The following ARHGAP33 variants were observed in gnomAD, a reference collection of about 807,000 sequenced individuals.
ARHGAP33 encodes rho GTPase-activating protein 33.
Under a neutral mutation model 126.2 loss-of-function variants are expected in ARHGAP33, and 57 were observed. The ratio of observed to expected loss-of-function variants is 0.45; its 90% CI spans 0.36 to 0.56. The LOEUF (loss-of-function observed/expected upper bound fraction) is 0.56. Among genes scored for constraint, ARHGAP33 ranks in the 20% least tolerant of loss-of-function variants. The pLI, the probability that ARHGAP33 is intolerant of heterozygous loss-of-function variation, is 0.00. For missense variants in ARHGAP33, 1,500 were observed against 1,748.3 expected (o/e 0.86, Z 2.53); for synonymous variants, 711 against 755.0 (o/e 0.94, Z 0.95).
chr19:35,787,224 G>C lies in ARHGAP33; in HGVS notation c.2659G>C (p.Gly887Arg). ...TCCCCTGTCTCTCCTGCGCCCTGGG[G>C]GTGCCCCACCCCCGCCCCCTAAGAA... ...PPPLSLLRPG[G>R]APPPPPKNPA... Residue 887 changes from glycine (G) to arginine (R), a missense_variant, in exon 21 of 21, where the codon GGT (glycine) becomes CGT (arginine). Transcript: ENST00000007510. The C allele has an allele frequency of 6.2e-7, 1 of 1,610,920 alleles. No homozygotes were observed. Among genetic ancestry groups the C allele is most frequent in the Admixed American group, 1.7e-5 (1 of 59,542 alleles).
At position 35,782,143 on chromosome 19, in the gene ARHGAP33, C is replaced by T. The variant is rs1310324492; in HGVS notation, c.1086-230C>T. On this transcript the variant is annotated intron_variant, in intron 12 of 20. Transcript: ENST00000007510. This position sits in a 1 kb window ranked among gnomAD's most constrained non-coding sequence, Gnocchi z 4.1. ...CTTGGGTAGCTGCAGGCAGAGGCAC[C>T]TCTGTCTGAGCCTCAGCATCCTCCT... Among the ~76,000 whole-genome samples the T allele has an allele frequency of 6.6e-6, 1 of 152,188 alleles. No individual in the cohort carries two copies. Among genetic ancestry groups the T allele is most frequent in the Non-Finnish European group, 1.5e-5 (1 of 68,012 alleles).
rs370215328 is a variant in ARHGAP33 at position 35,780,834 on chromosome 19, T to C, written c.829+18T>C. 2 of 1,613,616 alleles carry C rather than the reference T, an allele frequency of 1.2e-6. No individual in the cohort carries two copies. Among genetic ancestry groups the C allele is most frequent in the Non-Finnish European group, 1.7e-6 (2 of 1,179,968 alleles). ...GACCTCAGGTAATAGAAATAGGCGG[T>C]CAGGTCCCAGCCCCTACCCCACCAG... On this transcript the variant is annotated intron_variant, in intron 10 of 20. Transcript: ENST00000007510.
rs1200165951 is a variant in ARHGAP33, at chr19:35,782,624, G to A, written c.1258G>A (p.Glu420Lys). 13 of 1,613,668 alleles carry A rather than the reference G, an allele frequency of 8.1e-6. No individual in the cohort carries two copies. The highest frequency in any genetic ancestry group is 1.1e-5 in the South Asian group (1 of 91,028). Residue 420 changes from glutamate (E) to lysine (K), a missense_variant, in exon 14 of 21, where the codon GAG (glutamate) becomes AAG (lysine). Physicochemically the swap from Glu to Lys is moderately conservative, Grantham distance 56 (BLOSUM62 1). Coordinates refer to ENST00000007510, the MANE Select transcript of ARHGAP33 (RefSeq NM_001366178.1). The surrounding 1 kb of genome is among the most constrained non-coding windows in gnomAD (Gnocchi z 4.1). ...SEAMSVPGEE[E>K]RLVRVHDVIQ... ...GGCCATGTCAGTGCCTGGGGAGGAG[G>A]AGCGTCTGGTGCGGGTGCACGATGT...
Position 35,786,855 on chromosome 19 carries a change from C to G in ARHGAP33, c.2385C>G (p.Ile795Met). ...CCGCCTCGCCTGCTGCCCTAGACAT[C>G]TCAGAGCCCCTGGCTGTATCAGTGC... ...TSPASPAALD[I>M]SEPLAVSVPP... Residue 795 changes from isoleucine to methionine, a missense_variant, in exon 20 of 21, where the codon ATC (isoleucine) becomes ATG (methionine). Physicochemically the swap from Ile to Met is conservative, Grantham distance 10 (BLOSUM62 1). Coordinates refer to ENST00000007510, the MANE Select transcript of ARHGAP33 (RefSeq NM_001366178.1). The surrounding 1 kb of genome is among the most constrained non-coding windows in gnomAD (Gnocchi z 7.0). 1 of 1,596,016 alleles carries G rather than the reference C, an allele frequency of 6.3e-7. No homozygotes were observed. The highest frequency in any genetic ancestry group is 8.5e-7 in the Non-Finnish European group (1 of 1,174,058).
intron 15 of ARHGAP33, among the ~76,000 whole-genome samples, chr19:35,783,582 G>A (rs1257189035): frequency 6.6e-6 from 1 of 152,202 alleles, no homozygotes; most frequent in African/African-American, 2.4e-5. Context: ...TGTGTTGGAG[G>A]AGCTGCAGGG....
Position 35,782,337 on chromosome 19 carries a change from C to G in ARHGAP33, c.1086-36C>G, listed in dbSNP as rs367898492. ...TGGCCACGTGAGCGAGCCCCTCTGA[C>G]CTGGATCTTCCTCCTCCTTGACACG... On this transcript the variant is annotated intron_variant, in intron 12 of 20. Coordinates refer to ENST00000007510, the MANE Select transcript of ARHGAP33 (RefSeq NM_001366178.1). The surrounding 1 kb of genome is among the most constrained non-coding windows in gnomAD (Gnocchi z 4.1). 20 of 1,585,892 alleles carry G rather than the reference C, an allele frequency of 1.3e-5. No homozygotes were observed. Among genetic ancestry groups the G allele is most frequent in the Non-Finnish European group, 1.6e-5 (19 of 1,159,766 alleles).
intron 16 of ARHGAP33, chr19:35,784,520 T>A (rs1971988142): frequency 7.6e-7 from 1 of 1,311,616 alleles, no homozygotes; most frequent in Admixed American, 4.0e-5. Flanking sequence ...TTCCCACCTC[T>A]TGGCCCGGAC....
Position 35,781,315 on chromosome 19 carries a change from C to G in ARHGAP33, c.1085+63C>G, listed in dbSNP as rs1444174363. ...CTCACCCAGCACCTCCACTCCAGCC[C>G]CGTGCTGCATGCTGGGGACACAGTT... On this transcript the variant is annotated intron_variant, in intron 12 of 20. Transcript: ENST00000007510. 7.3e-6 allele frequency: 11 copies of G among 1,517,092 alleles called. No homozygotes were observed. In the Admixed American group the frequency reaches 1.8e-4, roughly 25 times the overall value. The allele number at this position is 1,517,092 out of a possible 1,614,324, so 94.0% of individuals were successfully genotyped here.
At position 35,784,959 on chromosome 19, in the gene ARHGAP33, G is replaced by C. The variant is rs1187061456; in HGVS notation, c.1574G>C (p.Cys525Ser). Residue 525 changes from cysteine to serine, a missense_variant, in exon 17 of 21, where the codon TGC becomes TCC. Cys to Ser is a moderately radical substitution (Grantham distance 112, BLOSUM62 -1). Transcript: ENST00000007510. ...TSAGLDPAGR[C>S]LLPRPKSLAG... ...CCCTTTCCACACTCCCCAGGCCGCT[G>C]CCTGCTCCCCAGGCCCAAGTCCCTT... The C allele has an allele frequency of 2.6e-6, 4 of 1,540,776 alleles. No individual in the cohort carries two copies. In the East Asian group the frequency reaches 9.8e-5, roughly 38 times the overall value.
At position 35,782,535 on chromosome 19, in the gene ARHGAP33, C is replaced by A. The variant is rs369796658; in HGVS notation, c.1230+18C>A. The A allele has an allele frequency of 8.7e-6, 14 of 1,612,906 alleles. No homozygotes were observed. Among genetic ancestry groups the A allele is most frequent in the Non-Finnish European group, 1.2e-5 (14 of 1,179,328 alleles). On this transcript the variant is annotated intron_variant, in intron 13 of 20. Coordinates refer to ENST00000007510, the MANE Select transcript of ARHGAP33 (RefSeq NM_001366178.1). The surrounding 1 kb of genome is among the most constrained non-coding windows in gnomAD (Gnocchi z 4.1). ...AGTTCAGTGTGAGTAAGGGAGCTGG[C>A]GGGACGGAGGGGGCCGGGACGCCTC... is the stretch of plus-strand genomic sequence containing the variant.
intron 15 of ARHGAP33, among the ~76,000 whole-genome samples, chr19:35,783,598 G>A (rs145725356): frequency 0.016 from 2,406 of 152,234 alleles, 37 homozygotes; most frequent in South Asian, 0.037. Context: ...CAGGGAGGCC[G>A]GTGTGGCTGG....
In ARHGAP33 at chr19:35,786,068, C is replaced by G. The variant is rs1972096872; in HGVS notation, c.1943-345C>G. ...GCGGGGGGCTGCTTATCCACCCCAC[C>G]CAGCCGTGCCTCTGGGGGCTCTTCT... On this transcript the variant is annotated intron_variant, in intron 19 of 20. Transcript: ENST00000007510. The surrounding 1 kb of genome is among the most constrained non-coding windows in gnomAD (Gnocchi z 7.0). 8.4e-7 allele frequency: 1 copy of G among 1,186,360 alleles called. No individual in the cohort carries two copies. The highest frequency in any genetic ancestry group is 3.0e-5 in the South Asian group (1 of 33,736). 73.5% of individuals were successfully genotyped at this position (1,186,360 alleles called of 1,614,324 possible).
At position 35,786,339 on chromosome 19, in the gene ARHGAP33, T is replaced by C; in HGVS notation, c.1943-74T>C. On this transcript the variant is annotated intron_variant, in intron 19 of 20. Coordinates refer to ENST00000007510, the MANE Select transcript of ARHGAP33 (RefSeq NM_001366178.1). This position sits in a 1 kb window ranked among gnomAD's most constrained non-coding sequence, Gnocchi z 7.0. ...GCCCTCTCCAGGAGGCGCCTCTTCA[T>C]GTCCTTTCCCCAGCTTTCTGTGGGG... The C allele has an allele frequency of 6.8e-7, 1 of 1,462,478 alleles. No individual in the cohort carries two copies. Among genetic ancestry groups the C allele is most frequent in the African/African-American group, 1.4e-5 (1 of 70,768 alleles). 90.6% of individuals were successfully genotyped at this position (1,462,478 alleles called of 1,614,324 possible). A position where few individuals can be genotyped will look rare whatever the true frequency, so the allele number is the denominator to read the frequency against.
In ARHGAP33 at chr19:35,785,720, T is replaced by C. The variant is rs552176725; in HGVS notation, c.1942+237T>C. 1.6e-4 allele frequency: 218 copies of C among 1,374,864 alleles called. No individual in the cohort carries two copies. In the East Asian group the frequency reaches 5.9e-3, roughly 37 times the overall value. The allele number at this position is 1,374,864 out of a possible 1,614,324, so 85.2% of individuals were successfully genotyped here. ...ACGGGCCCTTTAAAAGTCTTTATTA[T>C]TCCTGTTGAACATTTTAAAATAATA... On this transcript the variant is annotated intron_variant, in intron 19 of 20. Transcript: ENST00000007510.
rs776702353 is a variant in ARHGAP33, at chr19:35,787,907, G to T, written c.3342G>T (p.Arg1114Ser). 9 of 1,590,862 alleles carry T rather than the reference G, an allele frequency of 5.7e-6. No homozygotes were observed. The highest frequency in any genetic ancestry group is 2.8e-5 in the African/African-American group (2 of 70,798). Residue 1114 changes from arginine to serine, a missense_variant, in exon 21 of 21, where the codon AGG becomes AGT. Physicochemically the swap from Arg to Ser is moderately radical, Grantham distance 110. This residue lies in a region of ARHGAP33 where 642 missense variants were observed against 634.0 expected (regional missense o/e 1.01). Coordinates refer to ENST00000007510, the MANE Select transcript of ARHGAP33 (RefSeq NM_001366178.1). ...WSPFRSMPPD[R>S]LNASYGMLGQ... ...CCTTTCGCTCCATGCCCCCCGACAG[G>T]CTCAATGCCTCCTACGGCATGCTTG... is the stretch of plus-strand genomic sequence containing the variant.
chr19:35,784,478 C>G (rs541740623), intron 16 of ARHGAP33, 161 bp downstream of exon 16: 42 of 1,362,604 alleles, frequency 3.1e-5, no homozygotes, highest in East Asian at 1.5e-4. Context: ...CCCGCGCCCC[C>G]CTCCTTCTCA....
Position 35,784,218 on chromosome 19 carries a change from C to A in ARHGAP33, c.1468C>A (p.Arg490=), listed in dbSNP as rs777784026. Residue 490 remains arginine, a synonymous_variant, in exon 16 of 21, where the codon CGG becomes AGG. Coordinates refer to ENST00000007510, the MANE Select transcript of ARHGAP33 (RefSeq NM_001366178.1). ...SVGMGGAAAF[R]EVRVQSVVVE... The stretch of plus-strand genomic sequence containing the variant: ...GGGAATGGGTGGCGCGGCGGCGTTC[C>A]GGGAAGTTCGGGTGCAGTCGGTGGT... 1 of 1,611,786 alleles carries A rather than the reference C, an allele frequency of 6.2e-7. No homozygotes were observed. The highest frequency in any genetic ancestry group is 1.3e-5 in the African/African-American group (1 of 74,700).
At chr19:35,783,114 GT>G (rs1256180477) in intron 15 of ARHGAP33, among the ~76,000 whole-genome samples, 1 of 152,174 alleles carries the variant, frequency 6.6e-6, no homozygotes, top group Non-Finnish European at 1.5e-5. Context: ...AAGTCTGATG[GT>G]GATGAGTGCT....
Position 35,787,817 on chromosome 19 carries a change from C to T in ARHGAP33, c.3252C>T (p.Asn1084=). 1 of 1,604,970 alleles carries T rather than the reference C, an allele frequency of 6.2e-7. No homozygotes were observed. Among genetic ancestry groups the T allele is most frequent in the Middle Eastern group, 1.7e-4 (1 of 5,978 alleles). Reference sequence around the variant, plus strand: ...CTGCACCACTCGACAGGGGAGAGAACCTGTACTATGAGATCGGGGCAAGTG... The same window carrying T: ...CTGCACCACTCGACAGGGGAGAGAATCTGTACTATGAGATCGGGGCAAGTG... ...GPPAPLDRGE[N]LYYEIGASEG... is the part of the protein sequence containing the mutation. Residue 1084 remains asparagine, a synonymous_variant, in exon 21 of 21, where the codon AAC becomes AAT. Coordinates refer to ENST00000007510, the MANE Select transcript of ARHGAP33 (RefSeq NM_001366178.1).
Sources: allele counts gnomAD v4.1 joint callset (sites outside exome capture counted in the v4.1 genomes callset), GRCh38; gene constraint gnomAD v4.1.1; regional missense constraint gnomAD v4.1.1; non-coding constraint Gnocchi (gnomAD v3.1); transcripts MANE v1.5; gene names NCBI Gene and HGNC (gene_info 2026-07-23, HGNC 2026-07-21).